CSMD1: variants seen among roughly 807,000 people sequenced by gnomAD.
The protein encoded by CSMD1 is CUB and Sushi multiple domains 1.
CSMD1 carries 213 observed loss-of-function variants against 417.5 expected under a neutral mutation model. The ratio of observed to expected loss-of-function variants is 0.51; its 90% CI spans 0.46 to 0.57. CSMD1 has a LOEUF of 0.57. Ranked by LOEUF, CSMD1 falls within the 20% of genes least tolerant of loss-of-function variation. CSMD1 has a pLI of 0.00. For synonymous variants in CSMD1, 2,862 were observed against 1,736.8 expected, an observed-to-expected ratio of 1.65 and a Z score of -16.11; for missense variants, 6,923 against 4,529.7, an observed-to-expected ratio of 1.53 and a Z score of -15.17.
intron 1 of CSMD1, among the ~76,000 whole-genome samples, chr8:4,920,690 G>C (rs375649610): frequency 6.6e-6 from 1 of 151,888 alleles, no homozygotes; most frequent in Middle Eastern, 3.4e-3. Flanking sequence ...TGCGTGGGTG[G>C]TGCATGTCTG....
intron 1 of CSMD1, among the ~76,000 whole-genome samples, chr8:4,713,313 G>T (rs1808428534): frequency 6.6e-6 from 1 of 152,238 alleles, no homozygotes; most frequent in Non-Finnish European, 1.5e-5. Flanking sequence ...GATGCTTAAA[G>T]ACCCATCCGG....
intron 5 of CSMD1, among the ~76,000 whole-genome samples, chr8:3,901,924 A>C (rs1051107823): frequency 1.3e-5 from 2 of 152,196 alleles, no homozygotes; most frequent in Non-Finnish European, 2.9e-5. Context: ...ATGTGTGACT[A>C]TGAACAAGAG....
chr8:3,642,466 C>G (rs1905099), intron 7 of CSMD1, among the ~76,000 whole-genome samples: 1 of 152,042 alleles, frequency 6.6e-6, no homozygotes, highest in East Asian at 1.9e-4. Context: ...GAGATATTCC[C>G]AAGTAGTGAC....
intron 3 of CSMD1, among the ~76,000 whole-genome samples, chr8:4,045,155 C>G (rs1327220417): frequency 6.6e-6 from 1 of 152,166 alleles, no homozygotes; most frequent in Admixed American, 6.5e-5. Flanking sequence ...AGCGGCCACG[C>G]AGTCGTGGGC....
At chr8:3,205,389 T>A (rs988341622) in intron 31 of CSMD1, 115 bp downstream of exon 31, 14 of 600,644 alleles carry the variant, frequency 2.3e-5, no homozygotes, top group Non-Finnish European at 4.1e-5. Context: ...TGCAACTCAT[T>A]TGCTTTTATA....
intron 3 of CSMD1, among the ~76,000 whole-genome samples, chr8:4,336,657 C>G (rs1800191555): frequency 6.6e-6 from 1 of 152,138 alleles, no homozygotes; most frequent in African/African-American, 2.4e-5. Flanking sequence ...CACTTCACAG[C>G]TTTCACATCT....
rs539032416 is a variant in CSMD1 at position 3,247,601 on chromosome 8, G to A, written c.4154-17370C>T. Among the ~76,000 whole-genome samples, 89 of 152,292 alleles carry A rather than the reference G, an allele frequency of 5.8e-4. 1 individual carries two copies. The highest frequency in any genetic ancestry group is 9.6e-4 in the Non-Finnish European group (65 of 68,012). On this transcript the variant is annotated intron_variant, in intron 26 of 69. Coordinates refer to ENST00000635120, the MANE Select transcript of CSMD1 (RefSeq NM_033225.6). ...CCCAGGACATTCTCCCTTCCCTGTG[G>A]GGAGAACATCAGCCAGAGGTGGCCT...
intron 1 of CSMD1, among the ~76,000 whole-genome samples, chr8:4,874,812 A>T (rs1410249363): frequency 6.7e-6 from 1 of 150,200 alleles, no homozygotes; most frequent in East Asian, 1.9e-4. Context: ...ATATATATAT[A>T]TTTACACACA....
At chr8:4,438,679 T>C (rs1352828257) in intron 2 of CSMD1, among the ~76,000 whole-genome samples, 1 of 152,250 alleles carries the variant, frequency 6.6e-6, no homozygotes, top group Non-Finnish European at 1.5e-5. Flanking sequence ...TAGAGCCACT[T>C]ATGCAAACTC....
At chr8:3,297,573 C>T (rs111313185) in intron 25 of CSMD1, among the ~76,000 whole-genome samples, 3,367 of 152,222 alleles carry the variant, frequency 0.022, 44 homozygotes, top group East Asian at 0.03. Context: ...AAATAAATCA[C>T]TTCAGCAAAT....
chr8:3,310,005 G>C (rs528665149), intron 23 of CSMD1, among the ~76,000 whole-genome samples: 2 of 152,256 alleles, frequency 1.3e-5, no homozygotes, highest in East Asian at 1.9e-4. Flanking sequence ...ATCTATTTAA[G>C]AGACACCAAT....
At chr8:4,335,774 G>A (rs544861066) in intron 3 of CSMD1, among the ~76,000 whole-genome samples, 19 of 152,090 alleles carry the variant, frequency 1.2e-4, no homozygotes, top group Non-Finnish European at 2.5e-4. Flanking sequence ...AATACCTGAA[G>A]AGGAACATAC....
At chr8:4,585,404 T>C (rs187707099) in intron 2 of CSMD1, among the ~76,000 whole-genome samples, 40 of 152,186 alleles carry the variant, frequency 2.6e-4, no homozygotes, top group Admixed American at 5.2e-4. Context: ...ACGAAACTAA[T>C]AGTAAATGAA....
intron 3 of CSMD1, among the ~76,000 whole-genome samples, chr8:4,114,592 G>C (rs1563141441): frequency 6.6e-6 from 1 of 152,116 alleles, no homozygotes. Flanking sequence ...TCATAGGTAG[G>C]GATTCTTCGA....
At chr8:4,555,052 G>C (rs897169365) in intron 2 of CSMD1, among the ~76,000 whole-genome samples, 2 of 152,152 alleles carry the variant, frequency 1.3e-5, no homozygotes, top group Admixed American at 1.3e-4. Context: ...GCCAGCCCAC[G>C]CAATTCCAAG....
rs575457464 is a variant in CSMD1 at position 4,859,475 on chromosome 8, C to A, written c.85+134857G>T. Among the ~76,000 whole-genome samples the A allele has an allele frequency of 1.8e-4, 27 of 152,216 alleles. 1 individual carries two copies. In the South Asian group the frequency reaches 2.1e-3, roughly 12 times the overall value. On this transcript the variant is annotated intron_variant, in intron 1 of 69. Transcript: ENST00000635120. ...AACTACCATCAGAGTGAACAGGCAA[C>A]CTACACAATGGGAGAAAATTCTCGC...
chr8:4,035,393 A>G (rs1484000490), intron 3 of CSMD1, among the ~76,000 whole-genome samples: 1 of 151,518 alleles, frequency 6.6e-6, no homozygotes, highest in African/African-American at 2.4e-5. Flanking sequence ...TTCTTCTACT[A>G]AAAAAAAATT....
chr8:4,840,401 G>A (rs143672689), intron 1 of CSMD1, among the ~76,000 whole-genome samples: 3 of 152,260 alleles, frequency 2.0e-5, no homozygotes, highest in Non-Finnish European at 2.9e-5. Context: ...TTGAACATAT[G>A]TCGAAAACAT....
At chr8:3,249,571 C>G (rs1411530362) in intron 26 of CSMD1, among the ~76,000 whole-genome samples, 2 of 151,742 alleles carry the variant, frequency 1.3e-5, no homozygotes, top group Non-Finnish European at 2.9e-5. Flanking sequence ...GATCAAGTCT[C>G]AAAAAAATAA....
Sources: gnomAD v4.1 joint callset for allele counts (sites outside exome capture counted in the v4.1 genomes callset) on GRCh38, gnomAD v4.1.1 for gene constraint, MANE v1.5 for transcripts, NCBI Gene and HGNC (gene_info 2026-07-23, HGNC 2026-07-21) for gene names.